Variants in RSPO3 observed in about 807,000 individuals in gnomAD.
The protein encoded by RSPO3 is R-spondin 3, also known as R-spondin-3.
RSPO3 carries 17 observed loss-of-function variants against 36.5 expected under a neutral mutation model. The ratio of observed to expected loss-of-function variants is 0.47; its 90% CI spans 0.32 to 0.70. The LOEUF (loss-of-function observed/expected upper bound fraction) is 0.70, where lower values mean the gene tolerates loss of function less well. RSPO3 is among the 30% of genes least tolerant of loss of function. The pLI is 0.04. For missense variants in RSPO3, 294 were observed against 322.5 expected (o/e 0.91, Z 0.68); for synonymous variants, 108 against 107.0 (o/e 1.01, Z -0.06).
chr6:127,184,773 C>T (rs1348083751), intron 4 of RSPO3, among the ~76,000 whole-genome samples: 2 of 151,864 alleles, frequency 1.3e-5, no homozygotes, highest in African/African-American at 4.8e-5. Flanking sequence ...CTAAAGAGCT[C>T]TTGTGAAAGG....
chr6:127,188,154 C>T (rs1018681287), intron 4 of RSPO3, among the ~76,000 whole-genome samples: 2 of 152,046 alleles, frequency 1.3e-5, no homozygotes, highest in Non-Finnish European at 2.9e-5. Flanking sequence ...ACCTCTGTCA[C>T]GACATTGAGC....
chr6:127,160,612 T>C (rs185483055), intron 4 of RSPO3, among the ~76,000 whole-genome samples: 1 of 152,224 alleles, frequency 6.6e-6, no homozygotes, highest in Non-Finnish European at 1.5e-5. Flanking sequence ...GGGCACATTA[T>C]GCAGAAATTT....
At chr6:127,120,812 A>G (rs993194681) in intron 1 of RSPO3, among the ~76,000 whole-genome samples, 1 of 152,208 alleles carries the variant, frequency 6.6e-6, no homozygotes, top group Non-Finnish European at 1.5e-5. Flanking sequence ...CCCAAACTAA[A>G]TATGTCAGGG....
At position 127,155,514 on chromosome 6, in the gene RSPO3, A is replaced by G. The variant is rs1774578486; in HGVS notation, c.634+76A>G. 3.0e-6 allele frequency: 4 copies of G among 1,346,004 alleles called. No homozygotes were observed. In the African/African-American group the frequency reaches 5.9e-5, roughly 20 times the overall value. 83.4% of individuals were successfully genotyped at this position (1,346,004 alleles called of 1,614,324 possible). Reference sequence around the variant, plus strand: ...CATTTTTCATTTTATTTCTTATGAAACACTTGGCATTATCTTTCATGCCTA... The same window carrying G: ...CATTTTTCATTTTATTTCTTATGAAGCACTTGGCATTATCTTTCATGCCTA... On this transcript the variant is annotated intron_variant, in intron 4 of 4. Coordinates refer to ENST00000356698, the MANE Select transcript of RSPO3 (RefSeq NM_032784.5).
chr6:127,176,197 T>C (rs1775052649), intron 4 of RSPO3, among the ~76,000 whole-genome samples: 1 of 151,764 alleles, frequency 6.6e-6, no homozygotes, highest in Non-Finnish European at 1.5e-5. Flanking sequence ...TAAATATAGA[T>C]TTATGAGATA....
intron 1 of RSPO3, among the ~76,000 whole-genome samples, chr6:127,134,562 C>T (rs1774116406): frequency 6.6e-6 from 1 of 152,162 alleles, no homozygotes; most frequent in African/African-American, 2.4e-5. Flanking sequence ...TATATGTCAA[C>T]AAGTTATTTG....
chr6:127,170,998 G>A (rs1774923479), intron 4 of RSPO3, among the ~76,000 whole-genome samples: 1 of 151,746 alleles, frequency 6.6e-6, no homozygotes, highest in Non-Finnish European at 1.5e-5. Flanking sequence ...TAATGCCACT[G>A]AACTGTACAC....
At chr6:127,144,656 T>TTTTTTTTTTTTTTTTTTG (rs1554220622) in intron 1 of RSPO3, among the ~76,000 whole-genome samples, 2 of 147,704 alleles carry the variant, frequency 1.4e-5, no homozygotes, top group African/African-American at 2.5e-5. Flanking sequence ...TTTTTTTTTT[T>TTTTTTTTTTTTTTTTTTG]CAGACAGAGT....
At chr6:127,173,563 A>C (rs1255724748) in intron 4 of RSPO3, among the ~76,000 whole-genome samples, 3 of 151,860 alleles carry the variant, frequency 2.0e-5, no homozygotes, top group Non-Finnish European at 4.4e-5. Flanking sequence ...TGTATTTCAA[A>C]GGCTTGGATT....
At chr6:127,188,444 ATT>A (rs537663233) in intron 4 of RSPO3, among the ~76,000 whole-genome samples, 379 of 152,138 alleles carry the variant, frequency 2.5e-3, no homozygotes, top group Non-Finnish European at 4.5e-3. Context: ...AAGCTATATA[ATT>A]TTTCTTTCTC....
At chr6:127,159,644 C>CTTTTTTT (rs869033594) in intron 4 of RSPO3, among the ~76,000 whole-genome samples, 11 of 123,282 alleles carry the variant, frequency 8.9e-5, no homozygotes, top group African/African-American at 9.6e-5. Context: ...ATACATTCTC[C>CTTTTTTT]TTTTTTTTTT....
chr6:127,130,290 T>C (rs1774024984), intron 1 of RSPO3, among the ~76,000 whole-genome samples: 1 of 152,192 alleles, frequency 6.6e-6, no homozygotes, highest in South Asian at 2.1e-4. Flanking sequence ...GATCTTTAAT[T>C]GAACAAAGAC....
intron 4 of RSPO3, among the ~76,000 whole-genome samples, chr6:127,169,206 G>T (rs2114614114): frequency 6.6e-6 from 1 of 151,626 alleles, no homozygotes; most frequent in African/African-American, 2.4e-5. Flanking sequence ...ACCAGCATCT[G>T]GGTTTTTTTT....
intron 4 of RSPO3, among the ~76,000 whole-genome samples, chr6:127,167,052 G>C (rs371258089): frequency 1.3e-5 from 2 of 151,772 alleles, no homozygotes; most frequent in Admixed American, 1.3e-4. Context: ...TCTTATTCTA[G>C]TATTAACTTG....
intron 4 of RSPO3, among the ~76,000 whole-genome samples, chr6:127,167,333 G>A (rs1056649081): frequency 2.0e-5 from 3 of 151,876 alleles, no homozygotes; most frequent in African/African-American, 4.8e-5. Context: ...GTGTCCATGC[G>A]TTCTCATCGT....
At chr6:127,155,478 A>G (rs200742683) in intron 4 of RSPO3, 40 bp downstream of exon 4, 3 of 1,559,494 alleles carry the variant, frequency 1.9e-6, no homozygotes, top group East Asian at 4.6e-5. Context: ...TTGAATCCTC[A>G]TAATCTGTTG....
chr6:127,165,578 A>T (rs1396306432), intron 4 of RSPO3, among the ~76,000 whole-genome samples: 1 of 151,996 alleles, frequency 6.6e-6, no homozygotes, highest in Middle Eastern at 3.2e-3. Context: ...TCTCTCCATC[A>T]GTCCCTTGGC....
At chr6:127,193,638 A>G (rs1025568320) in intron 4 of RSPO3, among the ~76,000 whole-genome samples, 10 of 152,184 alleles carry the variant, frequency 6.6e-5, no homozygotes, top group African/African-American at 2.4e-4. Context: ...CTAAGCACAT[A>G]GCATGAAAAC....
chr6:127,126,325 G>C (rs953202378), intron 1 of RSPO3, among the ~76,000 whole-genome samples: 1 of 152,008 alleles, frequency 6.6e-6, no homozygotes, highest in African/African-American at 2.4e-5. Flanking sequence ...CTACTGATAC[G>C]GGGGTGTAAA....
Sources: allele counts gnomAD v4.1 joint callset (sites outside exome capture counted in the v4.1 genomes callset), GRCh38; gene constraint gnomAD v4.1.1; transcripts MANE v1.5; gene names NCBI Gene and HGNC (gene_info 2026-07-23, HGNC 2026-07-21).